The following ZFHX4 variants were observed in gnomAD, a reference collection of about 807,000 sequenced individuals.
ZFHX4 encodes zinc finger homeobox protein 4.
A neutral mutation model predicts 267.6 loss-of-function variants in ZFHX4; 56 were observed. The ratio of observed to expected loss-of-function variants is 0.21; its 90% CI spans 0.17 to 0.26. The LOEUF is 0.26. Ranked by LOEUF, ZFHX4 falls within the 10% of genes least tolerant of loss-of-function variation. The pLI is 1.00. For missense variants in ZFHX4, 4,332 were observed against 4,420.0 expected (o/e 0.98, Z 0.56); for synonymous variants, 1,778 against 1,665.6 (o/e 1.07, Z -1.64).
At chr8:76,835,431 T>C (rs1812068731) in intron 5 of ZFHX4, among the ~76,000 whole-genome samples, 1 of 151,542 alleles carries the variant, frequency 6.6e-6, no homozygotes, top group Admixed American at 6.6e-5. Flanking sequence ...GCTGGAATAA[T>C]AACCTGCTAT....
At position 76,705,255 on chromosome 8, in the gene ZFHX4, G is replaced by A. The variant is rs775211934; in HGVS notation, c.1167G>A (p.Ser389=). 17 of 1,613,946 alleles carry A rather than the reference G, an allele frequency of 1.1e-5. No homozygotes were observed. The South Asian group carries it at 1.1e-4, about 10-fold the overall frequency. The change falls in exon 2 of 11, where the codon TCG becomes TCA. Residue 389 remains serine, a synonymous_variant. Coordinates refer to ENST00000651372, the MANE Select transcript of ZFHX4 (RefSeq NM_024721.5). ...FAFLKGSAST[S]SSAEQPLGIT... Reference sequence around the variant, plus strand: ...TCTTAAAAGGAAGCGCGAGCACCTCGAGCTCAGCAGAGCAGCCGCTGGGGA... The same window carrying A: ...TCTTAAAAGGAAGCGCGAGCACCTCAAGCTCAGCAGAGCAGCCGCTGGGGA...
At chr8:76,749,102 C>A (rs778970932) in intron 3 of ZFHX4, among the ~76,000 whole-genome samples, 9 of 152,156 alleles carry the variant, frequency 5.9e-5, no homozygotes, top group Non-Finnish European at 1.0e-4. Context: ...TAAATTCCAG[C>A]AATCCAAGCT....
At chr8:76,711,333 A>C (rs1808417801) in intron 3 of ZFHX4, among the ~76,000 whole-genome samples, 1 of 152,162 alleles carries the variant, frequency 6.6e-6, no homozygotes, top group Admixed American at 6.5e-5. Flanking sequence ...GATGAAACAA[A>C]ATTGCTCTAG....
At chr8:76,766,424 AC>A (rs1055780981) in intron 3 of ZFHX4, among the ~76,000 whole-genome samples, 1 of 152,180 alleles carries the variant, frequency 6.6e-6, no homozygotes, top group Non-Finnish European at 1.5e-5. Flanking sequence ...CTGTTCCATG[AC>A]ACAAAAGCAT....
chr8:76,725,424 A>G (rs1263646587), intron 3 of ZFHX4, among the ~76,000 whole-genome samples: 1 of 152,102 alleles, frequency 6.6e-6, no homozygotes, highest in Non-Finnish European at 1.5e-5. Context: ...CTAATATAAA[A>G]TGCTTGTGCC....
intron 4 of ZFHX4, among the ~76,000 whole-genome samples, chr8:76,821,770 A>G (rs1339833373): frequency 6.6e-6 from 1 of 152,152 alleles, no homozygotes; most frequent in Non-Finnish European, 1.5e-5. Flanking sequence ...AGGTACTGGC[A>G]CTTCTAAATA....
At chr8:76,809,980 A>G (rs2131842709) in intron 4 of ZFHX4, among the ~76,000 whole-genome samples, 1 of 152,292 alleles carries the variant, frequency 6.6e-6, no homozygotes, top group Non-Finnish European at 1.5e-5. Flanking sequence ...ATCAATAAAT[A>G]TGATAAAATT....
At chr8:76,763,510 C>A (rs1260610678) in intron 3 of ZFHX4, among the ~76,000 whole-genome samples, 2 of 152,082 alleles carry the variant, frequency 1.3e-5, no homozygotes, top group Non-Finnish European at 2.9e-5. Flanking sequence ...GTGGTCCCAG[C>A]TACTCAGGTG....
At chr8:76,862,550 T>A (rs777307159) in intron 10 of ZFHX4, among the ~76,000 whole-genome samples, 3 of 152,220 alleles carry the variant, frequency 2.0e-5, no homozygotes, top group Non-Finnish European at 2.9e-5. Flanking sequence ...TGCTATTTAA[T>A]TAGCTTATCA....
intron 1 of ZFHX4, among the ~76,000 whole-genome samples, chr8:76,685,673 C>A (rs998066888): frequency 3.3e-5 from 5 of 152,094 alleles, no homozygotes; most frequent in African/African-American, 1.2e-4. Context: ...TTCTTGAGGA[C>A]TGTGTTAATT....
chr8:76,809,963 A>C (rs1811335478), intron 4 of ZFHX4, among the ~76,000 whole-genome samples: 2 of 152,154 alleles, frequency 1.3e-5, no homozygotes, highest in Non-Finnish European at 2.9e-5. Context: ...CCTATCATTA[A>C]ACTTCTATCA....
Position 76,852,109 on chromosome 8 carries a change from C to T in ZFHX4, c.5188C>T (p.Leu1730=). 1 of 1,613,994 alleles carries T rather than the reference C, an allele frequency of 6.2e-7. No individual in the cohort carries two copies. The highest frequency in any genetic ancestry group is 8.5e-7 in the Non-Finnish European group (1 of 1,179,880). ...TTTTCCTATGACCCCAGAAGCACTG[C>T]TGCAGTTTCAGCAGCCTCAGTTTCT... ...PHFPMTPEAL[L]QFQQPQFLFP... is the part of the protein sequence containing the mutation. The change falls in exon 10 of 11, where the codon CTG becomes TTG. Residue 1730 remains leucine, a synonymous_variant. Transcript: ENST00000651372.
intron 3 of ZFHX4, among the ~76,000 whole-genome samples, chr8:76,769,755 G>A (rs1228732200): frequency 6.6e-6 from 1 of 152,160 alleles, no homozygotes; most frequent in Non-Finnish European, 1.5e-5. Flanking sequence ...ATGTGTATCA[G>A]TGTCTACTGA....
rs766988062 is a variant in ZFHX4, at chr8:76,706,628, A to G, written c.2540A>G (p.Asn847Ser). Residue 847 changes from asparagine to serine, a missense_variant, in exon 2 of 11, where the codon AAT (asparagine) becomes AGT (serine). Asn to Ser is a conservative substitution (Grantham distance 46). Transcript: ENST00000651372. Reference sequence around the variant, plus strand: ...CCTGCCGACCCTCAGCTGATGATCAATCCATTCCAGCTGGATCCAGCGACA... The same window carrying G: ...CCTGCCGACCCTCAGCTGATGATCAGTCCATTCCAGCTGGATCCAGCGACA... Reference protein sequence around the residue: ...ENPADPQLMINPFQLDPATAA... With the variant: ...ENPADPQLMISPFQLDPATAA... The G allele has an allele frequency of 2.9e-5, 46 of 1,606,896 alleles. No individual in the cohort carries two copies. In the South Asian group the frequency reaches 2.9e-4, roughly 10 times the overall value.
chr8:76,692,234 C>T (rs1036852288), intron 1 of ZFHX4, among the ~76,000 whole-genome samples: 2 of 152,064 alleles, frequency 1.3e-5, no homozygotes, highest in African/African-American at 4.8e-5. Flanking sequence ...TCCAGACACT[C>T]CATTAAATAC....
chr8:76,759,858 T>C (rs73233407), intron 3 of ZFHX4, among the ~76,000 whole-genome samples: 2,253 of 152,288 alleles, frequency 0.015, 65 homozygotes, highest in African/African-American at 0.05. Context: ...ATAAAATAAA[T>C]ACTCTCCATG....
intron 2 of ZFHX4, 69 bp downstream of exon 2, chr8:76,706,747 C>T: frequency 7.0e-7 from 1 of 1,437,586 alleles, no homozygotes; most frequent in Admixed American, 2.8e-5. Context: ...GTGATGCACC[C>T]AGATAAAATG....
At chr8:76,858,800 G>T (rs538015021) in intron 10 of ZFHX4, among the ~76,000 whole-genome samples, 1 of 152,150 alleles carries the variant, frequency 6.6e-6, no homozygotes, top group Non-Finnish European at 1.5e-5. Flanking sequence ...ATATTTCTGC[G>T]TTTCTTACAA....
intron 4 of ZFHX4, among the ~76,000 whole-genome samples, chr8:76,786,017 C>T (rs1810679303): frequency 6.6e-6 from 1 of 152,068 alleles, no homozygotes; most frequent in Admixed American, 6.6e-5. Flanking sequence ...GAAACAAACC[C>T]GTAACGTGGA....
Sources: gnomAD v4.1 joint callset for allele counts (sites outside exome capture counted in the v4.1 genomes callset) on GRCh38, gnomAD v4.1.1 for gene constraint, MANE v1.5 for transcripts, NCBI Gene and HGNC (gene_info 2026-07-23, HGNC 2026-07-21) for gene names.